Variants in SLC25A13 observed in about 807,000 individuals in gnomAD.
The protein encoded by SLC25A13 is solute carrier family 25 member 13, also known as electrogenic aspartate/glutamate antiporter SLC25A13, mitochondrial.
In SLC25A13, 70 loss-of-function variants were observed where a neutral mutation model predicts 85.5. That is an observed-to-expected ratio of 0.82 (90% CI 0.68 to 1.00). SLC25A13 has a LOEUF of 1.00. SLC25A13 is among the 50% of genes least tolerant of loss of function. The pLI, the probability that SLC25A13 is intolerant of heterozygous loss-of-function variation, is 0.00. For synonymous variants in SLC25A13, 259 were observed against 288.7 expected (o/e 0.90, Z 1.04); for missense variants, 765 against 819.8 (o/e 0.93, Z 0.82).
chr7:96,249,344 A>G (rs974592073), intron 3 of SLC25A13, among the ~76,000 whole-genome samples: 4 of 152,212 alleles, frequency 2.6e-5, no homozygotes, highest in African/African-American at 7.2e-5. Context: ...AGACATACAC[A>G]TCTTTCATAT....
intron 2 of SLC25A13, among the ~76,000 whole-genome samples, chr7:96,285,547 T>C (rs974457207): frequency 2.0e-5 from 3 of 152,144 alleles, no homozygotes; most frequent in Non-Finnish European, 2.9e-5. Context: ...AACTTGTCCC[T>C]GAGACTCCCC....
At chr7:96,293,359 A>G (rs2116985531) in intron 2 of SLC25A13, among the ~76,000 whole-genome samples, 1 of 152,350 alleles carries the variant, frequency 6.6e-6, no homozygotes, top group Admixed American at 6.5e-5. Context: ...CATTCAGGAC[A>G]CAGGCATGGG....
rs575947027 is a variant in SLC25A13, at chr7:96,169,085, A to G, written c.1311+960T>C. Among the ~76,000 whole-genome samples the G allele has an allele frequency of 2.6e-5, 4 of 152,302 alleles. No homozygotes were observed. The East Asian group carries it at 7.7e-4, about 29-fold the overall frequency. On this transcript the variant is annotated intron_variant, in intron 13 of 17. Transcript: ENST00000265631. Reference sequence around the variant, plus strand: ...CAAACAGAGAGTCAGGCAGTAGCCAAATTCCATCCATCTCTAAAGAATACC... The same window carrying G: ...CAAACAGAGAGTCAGGCAGTAGCCAGATTCCATCCATCTCTAAAGAATACC...
intron 3 of SLC25A13, among the ~76,000 whole-genome samples, chr7:96,251,607 A>G (rs1256601235): frequency 6.6e-6 from 1 of 152,226 alleles, no homozygotes; most frequent in Admixed American, 6.5e-5. Context: ...AGTGGGAATG[A>G]TTCTACAGAA....
intron 11 of SLC25A13, among the ~76,000 whole-genome samples, chr7:96,173,749 T>A (rs138336704): frequency 2.0e-5 from 3 of 152,186 alleles, no homozygotes; most frequent in African/African-American, 7.2e-5. Context: ...AACTATAACA[T>A]CTAAGCCTGC....
chr7:96,172,883 C>T (rs1028423686), intron 11 of SLC25A13, among the ~76,000 whole-genome samples: 3 of 152,046 alleles, frequency 2.0e-5, no homozygotes, highest in South Asian at 2.1e-4. Context: ...CTCAGCCTCC[C>T]GAGTAGCTGG....
intron 3 of SLC25A13, among the ~76,000 whole-genome samples, chr7:96,241,263 C>G (rs778339594): frequency 6.6e-6 from 1 of 152,116 alleles, no homozygotes; most frequent in Non-Finnish European, 1.5e-5. Flanking sequence ...CAAAAAAACA[C>G]CTCTTTACTC....
chr7:96,148,515 C>T (rs1293011840), intron 13 of SLC25A13, among the ~76,000 whole-genome samples: 1 of 152,164 alleles, frequency 6.6e-6, no homozygotes, highest in Non-Finnish European at 1.5e-5. Context: ...ATGTGAGAGG[C>T]ACGGTAAGGA....
intron 6 of SLC25A13, among the ~76,000 whole-genome samples, chr7:96,192,376 T>C (rs1254776604): frequency 6.6e-6 from 1 of 152,178 alleles, no homozygotes; most frequent in Non-Finnish European, 1.5e-5. Flanking sequence ...TCATCGCCTA[T>C]AGATGGTGTA....
At chr7:96,272,303 C>T (rs1389522855) in intron 3 of SLC25A13, among the ~76,000 whole-genome samples, 7 of 152,074 alleles carry the variant, frequency 4.6e-5, no homozygotes, top group Admixed American at 3.9e-4. Flanking sequence ...CCAAAATTTT[C>T]GCAGAGAGAG....
At chr7:96,174,967 A>C (rs1794160112) in intron 11 of SLC25A13, among the ~76,000 whole-genome samples, 2 of 152,306 alleles carry the variant, frequency 1.3e-5, no homozygotes, top group African/African-American at 2.4e-5. Context: ...GAACACAGTG[A>C]GACTGGTGCC....
intron 14 of SLC25A13, among the ~76,000 whole-genome samples, chr7:96,143,643 G>A (rs1792660010): frequency 6.6e-6 from 1 of 152,138 alleles, no homozygotes; most frequent in East Asian, 1.9e-4. Context: ...AATGCAAAAT[G>A]TTTACCATTT....
intron 1 of SLC25A13, among the ~76,000 whole-genome samples, chr7:96,320,439 T>C (rs906314160): frequency 1.3e-5 from 2 of 152,120 alleles, no homozygotes; most frequent in African/African-American, 4.8e-5. Flanking sequence ...AAACTAACAG[T>C]AAAGAATGGG....
intron 2 of SLC25A13, among the ~76,000 whole-genome samples, chr7:96,289,625 T>A (rs1322769141): frequency 6.6e-6 from 1 of 152,112 alleles, no homozygotes; most frequent in African/African-American, 2.4e-5. Context: ...CAAGCTTCAG[T>A]AGCCGATTCG....
intron 1 of SLC25A13, among the ~76,000 whole-genome samples, chr7:96,297,650 TAAAG>T (rs1339059823): frequency 1.3e-5 from 2 of 152,096 alleles, no homozygotes; most frequent in African/African-American, 2.4e-5. Flanking sequence ...ACATATTTCT[TAAAG>T]AAGTCAGTGA....
At chr7:96,320,121 C>T (rs1422763527) in intron 1 of SLC25A13, among the ~76,000 whole-genome samples, 7 of 152,236 alleles carry the variant, frequency 4.6e-5, no homozygotes, top group African/African-American at 1.7e-4. Flanking sequence ...TCTTCTGCCT[C>T]AGCATCCTGA....
chr7:96,287,873 T>C (rs919558204), intron 2 of SLC25A13, among the ~76,000 whole-genome samples: 1 of 152,236 alleles, frequency 6.6e-6, no homozygotes, highest in Non-Finnish European at 1.5e-5. Context: ...AATGAGCTAC[T>C]TTCCATTTTG....
At chr7:96,283,140 C>T (rs184720784) in intron 2 of SLC25A13, among the ~76,000 whole-genome samples, 186 of 152,264 alleles carry the variant, frequency 1.2e-3, no homozygotes, top group African/African-American at 4.2e-3. Context: ...GAAAATAATG[C>T]TAGCTATATG....
chr7:96,128,939 G>GCTCGCTCTCTCTCTCTCT (rs1380552400), intron 15 of SLC25A13, among the ~76,000 whole-genome samples: 7 of 81,900 alleles, frequency 8.5e-5, no homozygotes, highest in South Asian at 1.1e-3. Flanking sequence ...TGCCTTGCTT[G>GCTCGCTCTCTCTCTCTCT]CTCTCTCTCT....
Sources: gnomAD v4.1 joint callset for allele counts (sites outside exome capture counted in the v4.1 genomes callset) on GRCh38, gnomAD v4.1.1 for gene constraint, MANE v1.5 for transcripts, NCBI Gene and HGNC (gene_info 2026-07-23, HGNC 2026-07-21) for gene names.